IQGAP1: variants seen among roughly 807,000 people sequenced by gnomAD.
IQGAP1 encodes the protein IQ motif containing GTPase activating protein 1.
A neutral mutation model predicts 215.6 loss-of-function variants in IQGAP1; 66 were observed. The ratio of observed to expected loss-of-function variants is 0.31; its 90% CI spans 0.25 to 0.38. The LOEUF is 0.38. IQGAP1 is among the 10% of genes least tolerant of loss of function. IQGAP1 has a pLI of 1.00. For synonymous variants in IQGAP1, 772 were observed against 728.7 expected, an observed-to-expected ratio of 1.06 and a Z score of -0.96; for missense variants, 1,712 against 1,997.1, an observed-to-expected ratio of 0.86 and a Z score of 2.72.
chr15:90,440,103 C>T (rs1319699813), intron 6 of IQGAP1, among the ~76,000 whole-genome samples: 1 of 152,098 alleles, frequency 6.6e-6, no homozygotes, highest in Non-Finnish European at 1.5e-5. Flanking sequence ...GGCTTTCTGC[C>T]TTAGAAATGA....
In IQGAP1 at chr15:90,487,595, G is replaced by T; in HGVS notation, c.4248+13G>T. On this transcript the variant is annotated intron_variant, in intron 33 of 37. Coordinates refer to ENST00000268182, the MANE Select transcript of IQGAP1 (RefSeq NM_003870.4). ...CACCAGTGAACAGGTAAAATTTAGGGTCTAACATACTCCTTTGTTTGGTAG... is the reference window on the plus strand; with the variant it reads ...CACCAGTGAACAGGTAAAATTTAGGTTCTAACATACTCCTTTGTTTGGTAG... The T allele has an allele frequency of 3.2e-6, 5 of 1,571,776 alleles. No individual in the cohort carries two copies. Among genetic ancestry groups the T allele is most frequent in the Non-Finnish European group, 4.4e-6 (5 of 1,141,908 alleles).
At chr15:90,410,225 G>A (rs991035666) in intron 2 of IQGAP1, among the ~76,000 whole-genome samples, 2 of 152,144 alleles carry the variant, frequency 1.3e-5, no homozygotes, top group African/African-American at 2.4e-5. Flanking sequence ...CCTTGCCCAT[G>A]CCTATGTCCT....
At chr15:90,400,470 A>T (rs1964789747) in intron 2 of IQGAP1, among the ~76,000 whole-genome samples, 1 of 152,238 alleles carries the variant, frequency 6.6e-6, no homozygotes. Context: ...AGTGTGGCAC[A>T]AAAGATCCTT....
chr15:90,473,117 C>A, intron 19 of IQGAP1, 107 bp downstream of exon 19: 1 of 988,796 alleles, frequency 1.0e-6, no homozygotes, highest in Non-Finnish European at 1.5e-6. Context: ...GAGTGCTGGA[C>A]TCTTAGTCTT....
At chr15:90,495,110 T>C (rs568840034) in intron 36 of IQGAP1, among the ~76,000 whole-genome samples, 1 of 152,356 alleles carries the variant, frequency 6.6e-6, no homozygotes, top group East Asian at 1.9e-4. Flanking sequence ...AGCCATTCCT[T>C]GGATTTCTTC....
rs374380141 is a variant in IQGAP1, at chr15:90,480,911, AC to A, written c.3330-1046del. Among the ~76,000 whole-genome samples, 1,125 of 151,902 alleles carry A rather than the reference AC, an allele frequency of 7.4e-3. 10 individuals are homozygous for A. Among genetic ancestry groups the A allele is most frequent in the African/African-American group, 0.026 (1,074 of 41,436 alleles). On this transcript the variant is annotated intron_variant, in intron 26 of 37. Transcript: ENST00000268182. ...TCAAACTCCTGACCTCAGGTGATCC[AC>A]CCGCCTCGGCCTCCCAAAGTGCTAG...
In IQGAP1 at chr15:90,500,804, A is replaced by C. The variant is rs1297955958; in HGVS notation, c.*696A>C. 6.6e-6 allele frequency: 1 copy of C among 152,526 alleles called. No individual in the cohort carries two copies. The highest frequency in any genetic ancestry group is 1.5e-5 in the Non-Finnish European group (1 of 68,032). 9.4% of individuals were successfully genotyped at this position (152,526 alleles called of 1,614,324 possible). A position where few individuals can be genotyped will look rare whatever the true frequency, so the allele number is the denominator to read the frequency against. On this transcript the variant is annotated 3_prime_UTR_variant, in exon 38 of 38. Coordinates refer to ENST00000268182, the MANE Select transcript of IQGAP1 (RefSeq NM_003870.4). ...CCCGACTAGTGGATGGGAGAGTCCC[A>C]TTGCTAAAATTCAGCTACTCAGATA...
intron 2 of IQGAP1, among the ~76,000 whole-genome samples, chr15:90,422,665 T>TAC (rs1567121016): frequency 8.1e-6 from 1 of 123,060 alleles, no homozygotes; most frequent in Non-Finnish European, 1.6e-5. Context: ...TATATGTATA[T>TAC]ATATATATAT....
At chr15:90,451,641 C>G (rs1965605584) in intron 11 of IQGAP1, among the ~76,000 whole-genome samples, 1 of 151,766 alleles carries the variant, frequency 6.6e-6, no homozygotes, top group Non-Finnish European at 1.5e-5. Flanking sequence ...TTTTTTCATA[C>G]CCTTAGGGTG....
At chr15:90,478,065 C>A (rs943413424) in intron 26 of IQGAP1, among the ~76,000 whole-genome samples, 176 bp downstream of exon 26, 2 of 152,110 alleles carry the variant, frequency 1.3e-5, no homozygotes, top group Admixed American at 1.3e-4. Context: ...AATCTCAGCT[C>A]ACTGCAGCCT....
chr15:90,471,257 T>G (rs559583936), intron 18 of IQGAP1, among the ~76,000 whole-genome samples: 3 of 152,296 alleles, frequency 2.0e-5, no homozygotes, highest in African/African-American at 7.2e-5. Context: ...TGTCCCAGGA[T>G]CCTTCATCTT....
At position 90,472,868 on chromosome 15, in the gene IQGAP1, A is replaced by G. The variant is rs1464156579; in HGVS notation, c.2207A>G (p.Tyr736Cys). ...QSSISGVTAA[Y>C]NREQLWLANE... Reference sequence around the variant, plus strand: ...TCTATCTCTGGGGTGACTGCCGCATATAACCGAGAACAGCTGTGGCTGGCC... The same window carrying G: ...TCTATCTCTGGGGTGACTGCCGCATGTAACCGAGAACAGCTGTGGCTGGCC... The change falls in exon 19 of 38, where the codon TAT (tyrosine) becomes TGT (cysteine). Residue 736 changes from tyrosine (Y) to cysteine (C), a missense_variant. Coordinates refer to ENST00000268182, the MANE Select transcript of IQGAP1 (RefSeq NM_003870.4). 7 of 1,613,304 alleles carry G rather than the reference A, an allele frequency of 4.3e-6. No homozygotes were observed. Among genetic ancestry groups the G allele is most frequent in the African/African-American group, 1.3e-5 (1 of 74,892 alleles).
intron 1 of IQGAP1, among the ~76,000 whole-genome samples, chr15:90,389,230 T>C (rs945939139): frequency 1.3e-5 from 2 of 152,198 alleles, no homozygotes. Context: ...GTGTGCAAGC[T>C]AATGATTATA....
At chr15:90,393,050 A>T (rs1011260824) in intron 2 of IQGAP1, among the ~76,000 whole-genome samples, 1 of 150,758 alleles carries the variant, frequency 6.6e-6, no homozygotes, top group Non-Finnish European at 1.5e-5. Flanking sequence ...TGGCCTCATC[A>T]TTTTTTTAAC....
chr15:90,498,811 C>G (rs1966305476), intron 37 of IQGAP1, among the ~76,000 whole-genome samples: 1 of 69,804 alleles, frequency 1.4e-5, no homozygotes, highest in Non-Finnish European at 3.0e-5. Context: ...TCACGCCCGG[C>G]TAATTTTTTT....
chr15:90,476,972 C>T, intron 24 of IQGAP1, 95 bp from the exon 25 acceptor site: 3 of 1,364,496 alleles, frequency 2.2e-6, no homozygotes, highest in Admixed American at 2.1e-5. Context: ...TCTTTTTTCT[C>T]ATATGTATTG....
intron 33 of IQGAP1, 58 bp from the exon 34 acceptor site, chr15:90,491,275 A>C: frequency 7.0e-7 from 1 of 1,430,904 alleles, no homozygotes. Context: ...TGCTATATAA[A>C]TTCAAGTTTA....
At chr15:90,494,018 CATT>C (rs1451181795) in intron 35 of IQGAP1, 1 of 152,138 alleles carries the variant, frequency 6.6e-6, no homozygotes, top group Non-Finnish European at 1.5e-5. Context: ...CCTAGATTCT[CATT>C]TTTTTTTAAT....
intron 7 of IQGAP1, 27 bp downstream of exon 7, chr15:90,440,642 C>G: frequency 7.2e-7 from 1 of 1,391,128 alleles, no homozygotes; most frequent in Non-Finnish European, 1.0e-6. Flanking sequence ...TTTGTGGGTT[C>G]AACTGGGATT....
Sources: gnomAD v4.1 joint callset for allele counts (sites outside exome capture counted in the v4.1 genomes callset) on GRCh38, gnomAD v4.1.1 for gene constraint, MANE v1.5 for transcripts, NCBI Gene and HGNC (gene_info 2026-07-23, HGNC 2026-07-21) for gene names.